The following STAB2 variants were observed in gnomAD, a reference collection of about 807,000 sequenced individuals.
STAB2 encodes stabilin 2, also known as stabilin-2.
In STAB2, 288 loss-of-function variants were observed where a neutral mutation model predicts 338.1. That is an observed-to-expected ratio of 0.85 (90% CI 0.77 to 0.94). The LOEUF (loss-of-function observed/expected upper bound fraction) is 0.94, where lower values mean the gene tolerates loss of function less well. STAB2 is among the 40% of genes least tolerant of loss of function. The pLI, the probability that STAB2 is intolerant of heterozygous loss-of-function variation, is 0.00. For synonymous variants in STAB2, 1,202 were observed against 1,193.3 expected (o/e 1.01, Z -0.15); for missense variants, 3,141 against 3,210.1 (o/e 0.98, Z 0.52).
chr12:103,616,436 G>T (rs1957211817), intron 3 of STAB2, among the ~76,000 whole-genome samples: 1 of 152,250 alleles, frequency 6.6e-6, no homozygotes, highest in Non-Finnish European at 1.5e-5. Context: ...CTGTTTGGCT[G>T]CATGGAAAGA....
intron 60 of STAB2, among the ~76,000 whole-genome samples, chr12:103,752,387 G>A (rs116340735): frequency 0.011 from 1,605 of 152,256 alleles, 25 homozygotes; most frequent in African/African-American, 0.037. Flanking sequence ...ATGTTCAAAC[G>A]AGAAAAACTT....
chr12:103,702,138 TA>T (rs34319571), intron 34 of STAB2, among the ~76,000 whole-genome samples: 76,349 of 145,584 alleles, frequency 0.52, 20,085 homozygotes, highest in East Asian at 0.65. Context: ...TGTTCTTCCC[TA>T]AAAAAAAAAA....
chr12:103,737,604 CTCTTT>C, intron 52 of STAB2, 25 bp from the exon 53 acceptor site: 8 of 1,054,106 alleles, frequency 7.6e-6, no homozygotes, highest in East Asian at 3.7e-5. Flanking sequence ...CTCTCTCTTT[CTCTTT>C]TTTTTTTTTT....
intron 68 of STAB2, among the ~76,000 whole-genome samples, chr12:103,764,669 T>C (rs10861093): frequency 0.47 from 70,948 of 152,094 alleles, 17,511 homozygotes; most frequent in East Asian, 0.88. Flanking sequence ...CCAAAGTAAA[T>C]CAAGGTAAAT....
Position 103,730,153 on chromosome 12 carries a change from C to G in STAB2, c.5120C>G (p.Ser1707Cys), listed in dbSNP as rs758993565. 1 of 1,612,508 alleles carries G rather than the reference C, an allele frequency of 6.2e-7. No individual in the cohort carries two copies. The highest frequency in any genetic ancestry group is 1.1e-5 in the South Asian group (1 of 90,808). Reference sequence around the variant, plus strand: ...ATAAACAATAAGGCTAAGATCATATCCAGTGATATCATCAGTACTAATGGG... The same window carrying G: ...ATAAACAATAAGGCTAAGATCATATGCAGTGATATCATCAGTACTAATGGG... ...VYINNKAKII[S>C]SDIISTNGIV... is the part of the protein sequence containing the mutation. Residue 1707 changes from serine (S) to cysteine (C), a missense_variant, in exon 49 of 69, where the codon TCC becomes TGC. By Grantham distance (112) the Ser-to-Cys change is moderately radical. Coordinates refer to ENST00000388887, the MANE Select transcript of STAB2 (RefSeq NM_017564.10).
At chr12:103,721,153 G>A (rs944730994) in intron 44 of STAB2, among the ~76,000 whole-genome samples, 1 of 152,202 alleles carries the variant, frequency 6.6e-6, no homozygotes, top group Non-Finnish European at 1.5e-5. Context: ...TTAGGTGGGG[G>A]ACACAAACAT....
intron 15 of STAB2, among the ~76,000 whole-genome samples, chr12:103,658,437 G>A (rs148558360): frequency 1.3e-5 from 2 of 152,124 alleles, no homozygotes; most frequent in South Asian, 2.1e-4. Flanking sequence ...ACACAGTAAC[G>A]GGAGTGATGC....
intron 7 of STAB2, 89 bp downstream of exon 7, chr12:103,637,325 A>G: frequency 6.7e-7 from 1 of 1,497,896 alleles, no homozygotes; most frequent in Non-Finnish European, 8.9e-7. Context: ...TCCTTAACAC[A>G]ATGACCATTT....
Position 103,755,624 on chromosome 12 carries a change from C to A in STAB2, c.6893C>A (p.Thr2298Asn). 6.2e-7 allele frequency: 1 copy of A among 1,614,116 alleles called. No individual in the cohort carries two copies. The highest frequency in any genetic ancestry group is 8.5e-7 in the Non-Finnish European group (1 of 1,180,030). ...CTCTGCCCTCCAGATGTGAACTGCA[C>A]CTGCAAGGTGGGCTATGTGGGAGAT... The part of the protein sequence containing the change: ...FCYRMKDVNC[T>N]CKVGYVGDGF... The change falls in exon 63 of 69, where the codon ACC (threonine) becomes AAC (asparagine). Residue 2298 changes from threonine (T) to asparagine (N), a missense_variant. Transcript: ENST00000388887.
intron 3 of STAB2, among the ~76,000 whole-genome samples, chr12:103,597,477 G>A (rs1328301938): frequency 2.0e-5 from 3 of 152,082 alleles, no homozygotes; most frequent in East Asian, 1.9e-4. Context: ...TATGGTCAAC[G>A]CTGAAAACTT....
intron 44 of STAB2, among the ~76,000 whole-genome samples, chr12:103,719,080 C>T (rs1376907929): frequency 6.6e-6 from 1 of 152,158 alleles, no homozygotes; most frequent in African/African-American, 2.4e-5. Flanking sequence ...ATCACTGAGT[C>T]TCAAACTGGG....
chr12:103,723,809 A>C (rs1472177391), intron 44 of STAB2, among the ~76,000 whole-genome samples: 3 of 152,122 alleles, frequency 2.0e-5, no homozygotes, highest in Non-Finnish European at 4.4e-5. Flanking sequence ...GTGGGCAGGA[A>C]TGCTGGGGAG....
intron 31 of STAB2, among the ~76,000 whole-genome samples, chr12:103,695,333 A>G (rs1566022190): frequency 6.6e-6 from 1 of 152,242 alleles, no homozygotes; most frequent in Non-Finnish European, 1.5e-5. Flanking sequence ...TTTAACGGTA[A>G]GGCATAAAAT....
chr12:103,669,235 T>C (rs896525379), intron 20 of STAB2: 10 of 347,414 alleles, frequency 2.9e-5, no homozygotes, highest in South Asian at 1.3e-4. Flanking sequence ...GATCTTGTTT[T>C]ACTGTTTTTA....
At chr12:103,589,506 T>C (rs1956763663) in intron 1 of STAB2, among the ~76,000 whole-genome samples, 1 of 152,202 alleles carries the variant, frequency 6.6e-6, no homozygotes, top group East Asian at 1.9e-4. Context: ...ACCCCTTCTC[T>C]CTACTAACTG....
rs1477469611 is a variant in STAB2, at chr12:103,668,659, G to C, written c.2102G>C (p.Arg701Thr). The change falls in exon 20 of 69, where the codon AGA (arginine) becomes ACA (threonine). Residue 701 changes from arginine (R) to threonine (T), a missense_variant. Arg to Thr is a moderately conservative substitution (Grantham distance 71). Transcript: ENST00000388887. ...NSEPTALFTH[R>T]CVYSGRFGSL... ...TTTCTCCAGGCACTCTTCACACACAGATGTGTCTACAGTGGCAGGTTTGGG... is the reference window on the plus strand; with the variant it reads ...TTTCTCCAGGCACTCTTCACACACACATGTGTCTACAGTGGCAGGTTTGGG... 6.4e-7 allele frequency: 1 copy of C among 1,552,056 alleles called. No individual in the cohort carries two copies. The highest frequency in any genetic ancestry group is 2.4e-5 in the East Asian group (1 of 41,010).
chr12:103,687,970 G>A (rs112758413), intron 27 of STAB2, among the ~76,000 whole-genome samples, 198 bp from the exon 28 acceptor site: 2,165 of 152,310 alleles, frequency 0.014, 56 homozygotes, highest in African/African-American at 0.05. Context: ...AGAAATGTGC[G>A]GTTCTGTCAG....
rs771971618 is a variant in STAB2, at chr12:103,631,674, T to G, written c.564T>G (p.Thr188=). Residue 188 remains threonine (T), a synonymous_variant, in exon 6 of 69, where the codon ACT becomes ACG. Coordinates refer to ENST00000388887, the MANE Select transcript of STAB2 (RefSeq NM_017564.10). ...DGTCECYSAY[T]GPKCDKPIPE... is the part of the protein sequence containing the mutation. ...CCTGTGAGTGCTACTCTGCGTACACTGGCCCCAAGTGTGACAAGCGTAAGT... is the reference window on the plus strand; with the variant it reads ...CCTGTGAGTGCTACTCTGCGTACACGGGCCCCAAGTGTGACAAGCGTAAGT... 7 of 1,614,230 alleles carry G rather than the reference T, an allele frequency of 4.3e-6. No homozygotes were observed. The highest frequency in any genetic ancestry group is 5.9e-6 in the Non-Finnish European group (7 of 1,180,040).
intron 9 of STAB2, among the ~76,000 whole-genome samples, chr12:103,646,469 A>G (rs1238022166): frequency 6.6e-6 from 1 of 151,922 alleles, no homozygotes; most frequent in Non-Finnish European, 1.5e-5. Context: ...AGCTTTTTCT[A>G]TATGTCTGTC....
Sources: gnomAD v4.1 joint callset for allele counts (sites outside exome capture counted in the v4.1 genomes callset) on GRCh38, gnomAD v4.1.1 for gene constraint, MANE v1.5 for transcripts, NCBI Gene and HGNC (gene_info 2026-07-23, HGNC 2026-07-21) for gene names.